The following SYN2 variants were observed in gnomAD, a reference collection of about 807,000 sequenced individuals.
The protein encoded by SYN2 is synapsin II.
Under a neutral mutation model 50.9 loss-of-function variants are expected in SYN2, and 19 were observed. The ratio of observed to expected loss-of-function variants is 0.37; its 90% CI spans 0.26 to 0.55. The LOEUF is 0.55. SYN2 is among the 20% of genes least tolerant of loss of function. The probability of loss-of-function intolerance (pLI) is 0.81; values close to 1 mark genes in which losing one functional copy is unlikely to be tolerated. For missense variants in SYN2, 587 were observed against 576.4 expected, an observed-to-expected ratio of 1.02 and a Z score of -0.19; for synonymous variants, 255 against 224.9, an observed-to-expected ratio of 1.13 and a Z score of -1.20.
chr3:12,093,419 C>G (rs1186428287), intron 1 of SYN2, among the ~76,000 whole-genome samples: 1 of 152,140 alleles, frequency 6.6e-6, no homozygotes, highest in Non-Finnish European at 1.5e-5. Context: ...ATATTATTCT[C>G]AAAGTACTCC....
intron 1 of SYN2, among the ~76,000 whole-genome samples, chr3:12,107,686 T>A (rs985715890): frequency 3.3e-5 from 5 of 152,284 alleles, no homozygotes; most frequent in Admixed American, 3.3e-4. Flanking sequence ...GGCAGATTGC[T>A]TGAGCTCAGG....
intron 1 of SYN2, among the ~76,000 whole-genome samples, chr3:12,089,999 G>A (rs1009511499): frequency 6.6e-6 from 1 of 152,252 alleles, no homozygotes; most frequent in East Asian, 1.9e-4. Context: ...TGAGCACTAG[G>A]TAGCCCTGAA....
At chr3:12,160,741 G>A (rs934545142) in intron 5 of SYN2, among the ~76,000 whole-genome samples, 5 of 152,184 alleles carry the variant, frequency 3.3e-5, no homozygotes, top group South Asian at 2.1e-4. Flanking sequence ...TAGAGTACTC[G>A]TCTCCTGACA....
At chr3:12,141,372 A>G (rs973197162) in intron 2 of SYN2, among the ~76,000 whole-genome samples, 11 of 152,334 alleles carry the variant, frequency 7.2e-5, no homozygotes, top group African/African-American at 2.6e-4. Context: ...ACTGTTTTCA[A>G]ACAACTTGTT....
intron 7 of SYN2, among the ~76,000 whole-genome samples, chr3:12,162,687 T>C (rs1456567446): frequency 6.6e-6 from 1 of 152,190 alleles, no homozygotes; most frequent in African/African-American, 2.4e-5. Flanking sequence ...AAGGAATCCA[T>C]AGGCTTCCCC....
intron 1 of SYN2, among the ~76,000 whole-genome samples, chr3:12,010,405 A>G (rs1174924286): frequency 6.6e-6 from 1 of 152,250 alleles, no homozygotes; most frequent in Non-Finnish European, 1.5e-5. Context: ...AACACAGGCC[A>G]TGTCTATTGG....
intron 1 of SYN2, among the ~76,000 whole-genome samples, chr3:12,045,467 T>A (rs1411759630): frequency 6.6e-6 from 1 of 152,214 alleles, no homozygotes; most frequent in African/African-American, 2.4e-5. Flanking sequence ...ATGTCTCTAC[T>A]GTTTTCCAAT....
Position 12,169,798 on chromosome 3 carries a change from G to A in SYN2, c.1200G>A (p.Val400=), listed in dbSNP as rs765007227. 3 of 1,613,870 alleles carry A rather than the reference G, an allele frequency of 1.9e-6. No individual in the cohort carries two copies. The African/African-American group carries it at 4.0e-5, about 22-fold the overall frequency. Residue 400 remains valine (V), a synonymous_variant, in exon 10 of 13, where the codon GTG becomes GTA. Coordinates refer to ENST00000621198, the MANE Select transcript of SYN2 (RefSeq NM_133625.6). Reference sequence around the variant, plus strand: ...TGCCACTGATTGGGGAACATCAGGTGGAGGACAGGCAACTCATCACCGAAC... The same window carrying A: ...TGCCACTGATTGGGGAACATCAGGTAGAGGACAGGCAACTCATCACCGAAC... ...CSMPLIGEHQ[V]EDRQLITELV...
At chr3:12,104,059 A>T (rs1294040506) in intron 1 of SYN2, among the ~76,000 whole-genome samples, 1 of 152,218 alleles carries the variant, frequency 6.6e-6, no homozygotes, top group Non-Finnish European at 1.5e-5. Flanking sequence ...TAACAATAAT[A>T]CTTAAATAAA....
At chr3:12,158,772 G>A (rs1298644403) in intron 5 of SYN2, 2 of 1,605,670 alleles carry the variant, frequency 1.2e-6, no homozygotes, top group East Asian at 2.2e-5. Flanking sequence ...CCAGCCCCGG[G>A]GGCCGCAGCA....
chr3:12,140,986 G>A (rs147348777), intron 2 of SYN2, among the ~76,000 whole-genome samples: 1 of 152,028 alleles, frequency 6.6e-6, no homozygotes, highest in African/African-American at 2.4e-5. Flanking sequence ...GCAGTGTAAG[G>A]TTCCCAGACT....
chr3:12,163,413 C>A (rs780226451), intron 7 of SYN2, among the ~76,000 whole-genome samples: 3 of 151,846 alleles, frequency 2.0e-5, no homozygotes, highest in Admixed American at 1.3e-4. Context: ...TCTTACCCCC[C>A]CTTTTCACTA....
At chr3:12,145,006 G>A (rs2125219214) in intron 3 of SYN2, among the ~76,000 whole-genome samples, 1 of 152,228 alleles carries the variant, frequency 6.6e-6, no homozygotes, top group East Asian at 1.9e-4. Flanking sequence ...ACTCTAGCCT[G>A]GGCAACGGAG....
At chr3:12,060,068 T>TA (rs1695081173) in intron 1 of SYN2, among the ~76,000 whole-genome samples, 19 of 152,206 alleles carry the variant, frequency 1.2e-4, no homozygotes, top group Admixed American at 1.2e-3. Context: ...GAAGTCTCAG[T>TA]TGAGATCTGC....
intron 11 of SYN2, chr3:12,185,145 A>T (rs1455286638): frequency 1.0e-6 from 1 of 985,744 alleles, no homozygotes; most frequent in Non-Finnish European, 1.2e-6. Flanking sequence ...AAATATATAC[A>T]TATATGCATA....
intron 1 of SYN2, among the ~76,000 whole-genome samples, chr3:12,020,014 G>A (rs143870550): frequency 5.3e-4 from 80 of 152,286 alleles, no homozygotes; most frequent in African/African-American, 1.8e-3. Flanking sequence ...AGCCTGTATG[G>A]TTTGTGACAG....
At chr3:12,111,322 TCCATTAAG>T (rs1476541515) in intron 1 of SYN2, among the ~76,000 whole-genome samples, 2 of 152,180 alleles carry the variant, frequency 1.3e-5, no homozygotes, top group Non-Finnish European at 2.9e-5. Context: ...GAGCTGTAAG[TCCATTAAG>T]CCTTTCTCCT....
At position 12,048,845 on chromosome 3, in the gene SYN2, C is replaced by A. The variant is rs139938090; in HGVS notation, c.377+43917C>A. Among the ~76,000 whole-genome samples the A allele has an allele frequency of 5.5e-4, 84 of 152,212 alleles. No individual in the cohort carries two copies. In the East Asian group the frequency reaches 0.013, roughly 23 times the overall value. On this transcript the variant is annotated intron_variant, in intron 1 of 12. Transcript: ENST00000621198. ...AATCTAAGTTTGTCCAATTCTGGAC[C>A]CCTGCTGATAATCACTGTACTGGAA...
intron 1 of SYN2, among the ~76,000 whole-genome samples, chr3:12,045,742 T>C (rs1694724325): frequency 6.6e-6 from 1 of 152,170 alleles, no homozygotes; most frequent in African/African-American, 2.4e-5. Flanking sequence ...TTGTGTGCCC[T>C]GTGGAGTGGG....
Sources: gnomAD v4.1 joint callset for allele counts (sites outside exome capture counted in the v4.1 genomes callset) on GRCh38, gnomAD v4.1.1 for gene constraint, MANE v1.5 for transcripts, NCBI Gene and HGNC (gene_info 2026-07-23, HGNC 2026-07-21) for gene names.